MGST1: variants seen among roughly 807,000 people sequenced by gnomAD.
MGST1 encodes the protein microsomal glutathione S-transferase 1, also known as glutathione S-transferase 12.
In MGST1, 5 loss-of-function variants were observed where a neutral mutation model predicts 8.9. The observed-to-expected ratio is 0.56, with a 90% confidence interval of 0.29 to 1.19. MGST1 has a LOEUF of 1.19. Ranked by LOEUF, MGST1 falls within the 50% of genes most tolerant of loss-of-function variation. The pLI, the probability that MGST1 is intolerant of heterozygous loss-of-function variation, is 0.08. For missense variants in MGST1, 182 were observed against 187.4 expected, an observed-to-expected ratio of 0.97 and a Z score of 0.17; for synonymous variants, 54 against 67.8, an observed-to-expected ratio of 0.80 and a Z score of 1.00.
rs1352434655 is a variant in MGST1, at chr12:16,395,788, T to TACACACACACAC, written n.778+12185_778+12186insCACACACACACA. Among the ~76,000 whole-genome samples the TACACACACACAC allele has an allele frequency of 1.4e-4, 17 of 121,612 alleles. 1 individual carries two copies. Among genetic ancestry groups the TACACACACACAC allele is most frequent in the East Asian group, 5.9e-4 (2 of 3,364 alleles). The allele number at this position is 121,612 out of a possible 152,430, so 79.8% of individuals were successfully genotyped here. A position where few individuals can be genotyped will look rare whatever the true frequency, so the allele number is the denominator to read the frequency against. ...GCTGAGTAGTATTCCATCATATATA[T>TACACACACACAC]ATATATATATATATATACACACACA... On this transcript the variant is annotated intron_variant and non_coding_transcript_variant, in intron 1 of 1. Coordinates refer to the MGST1 transcript ENST00000359720.
chr12:16,395,704 A>T (rs1481798007), intron 1 of MGST1, among the ~76,000 whole-genome samples: 1 of 151,078 alleles, frequency 6.6e-6, no homozygotes, highest in Non-Finnish European at 1.5e-5. Context: ...TTCACTTAGA[A>T]TAATAGTCTC....
chr12:16,451,344 G>A (rs1323164014), intron 4 of MGST1, among the ~76,000 whole-genome samples: 1 of 151,784 alleles, frequency 6.6e-6, no homozygotes, highest in Non-Finnish European at 1.5e-5. Context: ...GCATAGGGGG[G>A]TTTATTTTTA....
At chr12:16,425,848 A>AGT (rs1488594812) in intron 1 of MGST1, among the ~76,000 whole-genome samples, 2 of 152,344 alleles carry the variant, frequency 1.3e-5, no homozygotes, top group East Asian at 3.9e-4. Context: ...TATTCACACA[A>AGT]GTGTGAAGGT....
chr12:16,465,868 A>G (rs1188366254), intron 4 of MGST1, among the ~76,000 whole-genome samples: 3 of 152,154 alleles, frequency 2.0e-5, no homozygotes, highest in Non-Finnish European at 4.4e-5. Context: ...GGTTGGAGAT[A>G]TTAGTGCATA....
rs1479803373 is a variant in MGST1, at chr12:16,576,584, C to T, written n.483-12944C>T. On this transcript the variant is annotated intron_variant and non_coding_transcript_variant, in intron 4 of 4. Transcript: ENST00000538857. This position sits in a 1 kb window ranked among gnomAD's most constrained non-coding sequence, Gnocchi z 4.1. ...CATCTTTCAGAATCTGTATCAGTTA[C>T]GTACCTGTTTGTCTCTTTCTCACTA... Among the ~76,000 whole-genome samples the T allele has an allele frequency of 2.0e-5, 3 of 152,180 alleles. No homozygotes were observed. Among genetic ancestry groups the T allele is most frequent in the Non-Finnish European group, 4.4e-5 (3 of 68,042 alleles).
At chr12:16,416,886 T>G (rs1940791635) in intron 1 of MGST1, among the ~76,000 whole-genome samples, 1 of 152,166 alleles carries the variant, frequency 6.6e-6, no homozygotes, top group Non-Finnish European at 1.5e-5. Flanking sequence ...GAATTTGCAT[T>G]CCTCATGCCA....
intron 4 of MGST1, among the ~76,000 whole-genome samples, chr12:16,535,855 T>G (rs1941754028): frequency 6.6e-6 from 1 of 152,184 alleles, no homozygotes; most frequent in Non-Finnish European, 1.5e-5. Context: ...TGGGGATTAT[T>G]CTGGATGAGA....
downstream of MGST1, among the ~76,000 whole-genome samples, chr12:16,365,378 CAT>C (rs1209813667): frequency 1.3e-5 from 2 of 152,014 alleles, no homozygotes; most frequent in South Asian, 2.1e-4. Context: ...TTTTGATTTT[CAT>C]ATCTTTTGAT....
At chr12:16,428,935 G>C (rs1484337625) in intron 1 of MGST1, among the ~76,000 whole-genome samples, 1 of 151,594 alleles carries the variant, frequency 6.6e-6, no homozygotes, top group Non-Finnish European at 1.5e-5. Flanking sequence ...ATCTTTTTTT[G>C]TGCCTTTGTT....
downstream of MGST1, among the ~76,000 whole-genome samples, chr12:16,591,764 G>T (rs1229282827): frequency 6.6e-6 from 1 of 152,024 alleles, no homozygotes; most frequent in Non-Finnish European, 1.5e-5. The surrounding 1 kb of genome is among the most constrained non-coding windows in gnomAD (Gnocchi z 4.1). Context: ...AGTCTGTCTT[G>T]CTCTGCACCC....
At chr12:16,418,340 C>G (rs1419361996) in intron 1 of MGST1, among the ~76,000 whole-genome samples, 1 of 152,112 alleles carries the variant, frequency 6.6e-6, no homozygotes, top group Non-Finnish European at 1.5e-5. Context: ...ATCCTGCCAC[C>G]TCCAGGGATT....
Position 16,357,660 on chromosome 12 carries a change from AGT to A in MGST1, c.183_184del (p.Tyr62SerfsTer5). On this transcript the variant is annotated frameshift_variant, in exon 3 of 4. Coordinates refer to ENST00000396210, the MANE Select transcript of MGST1 (RefSeq NM_020300.5). LOFTEE classifies it high-confidence loss of function. ...TTTGGCAAAGGAGAAAATGCCAAGA[AGT>A]ATCTTCGAACAGATGACAGAGTAGA... The A allele has an allele frequency of 6.2e-7, 1 of 1,614,020 alleles. No individual in the cohort carries two copies. The highest frequency in any genetic ancestry group is 8.5e-7 in the Non-Finnish European group (1 of 1,179,956).
chr12:16,568,273 A>G (rs1272823922), intron 4 of MGST1, among the ~76,000 whole-genome samples: 2 of 152,248 alleles, frequency 1.3e-5, no homozygotes, highest in Non-Finnish European at 2.9e-5. Context: ...AAACAATTAC[A>G]GAATCCATTC....
intron 1 of MGST1, among the ~76,000 whole-genome samples, chr12:16,424,388 A>G (rs1361314522): frequency 6.6e-6 from 1 of 152,228 alleles, no homozygotes; most frequent in Non-Finnish European, 1.5e-5. Flanking sequence ...TTTACAAAAA[A>G]TTCAACTTTC....
chr12:16,359,120 A>T (rs959903987), intron 3 of MGST1, among the ~76,000 whole-genome samples: 2 of 152,190 alleles, frequency 1.3e-5, no homozygotes, highest in African/African-American at 4.8e-5. Context: ...GTGGAAGTGC[A>T]GAGGCGTTTA....
intron 4 of MGST1, among the ~76,000 whole-genome samples, chr12:16,504,239 T>G (rs1030170077): frequency 3.3e-5 from 5 of 152,190 alleles, no homozygotes; most frequent in Middle Eastern, 3.2e-3. Context: ...CAAAGAAACA[T>G]AGTCCAGCAA....
chr12:16,554,147 T>TGA (rs1474187416), intron 4 of MGST1, among the ~76,000 whole-genome samples: 16 of 152,212 alleles, frequency 1.1e-4, no homozygotes, highest in Admixed American at 7.8e-4. Context: ...TGACTTCATA[T>TGA]AGTCTTAGAG....
chr12:16,527,287 C>A (rs1941693547), intron 4 of MGST1, among the ~76,000 whole-genome samples: 2 of 151,952 alleles, frequency 1.3e-5, no homozygotes. Context: ...TCTGGACAAT[C>A]CACAATTTCA....
chr12:16,556,115 AAATT>A (rs1385520258), intron 4 of MGST1, among the ~76,000 whole-genome samples: 1 of 152,322 alleles, frequency 6.6e-6, no homozygotes, highest in Admixed American at 6.5e-5. Flanking sequence ...AAAAAAAAGA[AAATT>A]AATTAATTGT....
Sources: allele counts gnomAD v4.1 joint callset (sites outside exome capture counted in the v4.1 genomes callset), GRCh38; gene constraint gnomAD v4.1.1; non-coding constraint Gnocchi (gnomAD v3.1); transcripts MANE v1.5; gene names NCBI Gene and HGNC (gene_info 2026-07-23, HGNC 2026-07-21).